KIF4A: variants seen among roughly 807,000 people sequenced by gnomAD.
The protein encoded by KIF4A is kinesin family member 4A.
In KIF4A, 7 loss-of-function variants were observed where a neutral mutation model predicts 105.9. The ratio of observed to expected loss-of-function variants is 0.07; its 90% CI spans 0.04 to 0.12. The LOEUF (loss-of-function observed/expected upper bound fraction) is 0.12, where lower values mean the gene tolerates loss of function less well. Ranked by LOEUF, KIF4A falls within the 10% of genes least tolerant of loss-of-function variation. The probability of loss-of-function intolerance (pLI) is 1.00; values close to 1 mark genes in which losing one functional copy is unlikely to be tolerated. For missense variants in KIF4A, 558 were observed against 929.2 expected, an observed-to-expected ratio of 0.60 and a Z score of 5.19; for synonymous variants, 281 against 331.3, an observed-to-expected ratio of 0.85 and a Z score of 1.65.
Position 70,327,008 on chromosome X carries a change from A to G in KIF4A, c.779-2397A>G, listed in dbSNP as rs757477803. ...GTTTTGCTCCTATATGAAACTATAG[A>G]TGGAAGTTTTGCTCAGCAGCTTTGA... is the stretch of plus-strand genomic sequence containing the variant. On this transcript the variant is annotated intron_variant, in intron 7 of 30. Transcript: ENST00000374403. Among the ~76,000 whole-genome samples the G allele has an allele frequency of 4.5e-5, 5 of 112,160 alleles. No individual in the cohort carries two copies. The South Asian group carries it at 1.9e-3, about 42-fold the overall frequency.
chrX:70,364,678 A>G (rs1210158311), intron 15 of KIF4A, among the ~76,000 whole-genome samples: 1 of 111,509 alleles, frequency 9.0e-6, no homozygotes, highest in African/African-American at 3.3e-5. Context: ...GTAGCATGAT[A>G]CCTCCAACTT....
intron 7 of KIF4A, among the ~76,000 whole-genome samples, chrX:70,319,791 A>G (rs998741018): frequency 8.9e-6 from 1 of 112,370 alleles, no homozygotes; most frequent in Admixed American, 9.4e-5. Flanking sequence ...TTTAAAAATT[A>G]TATTTTCTAA....
intron 3 of KIF4A, 30 bp from the exon 4 acceptor site, chrX:70,296,968 C>G: frequency 8.5e-7 from 1 of 1,182,377 alleles, no homozygotes; most frequent in Non-Finnish European, 1.1e-6. Flanking sequence ...TGTTTAAACA[C>G]CACTATGCAT....
chrX:70,339,858 T>A (rs2085965662), intron 10 of KIF4A, among the ~76,000 whole-genome samples: 2 of 112,455 alleles, frequency 1.8e-5, no homozygotes, highest in Admixed American at 1.9e-4. Context: ...TTATATTTTC[T>A]TTTTCAGTCT....
chrX:70,306,055 G>T (rs2085825505), intron 7 of KIF4A, among the ~76,000 whole-genome samples: 1 of 111,647 alleles, frequency 9.0e-6, no homozygotes, highest in South Asian at 3.7e-4. Flanking sequence ...TTTAGGCTTT[G>T]ACCCATTTTG....
chrX:70,415,493 A>G, intron 28 of KIF4A: 1 of 162,406 alleles, frequency 6.2e-6, no homozygotes, highest in Non-Finnish European at 1.2e-5. Context: ...TTGTGGTCTC[A>G]GATACGCTGG....
chrX:70,359,974 C>T (rs1317988449), intron 15 of KIF4A, among the ~76,000 whole-genome samples: 1 of 111,629 alleles, frequency 9.0e-6, no homozygotes, highest in East Asian at 2.8e-4. Context: ...TGCCTGGCTG[C>T]AGGGGAGAGG....
At chrX:70,402,720 T>G (rs767634903) in intron 23 of KIF4A, 25 bp downstream of exon 23, 39 of 1,199,715 alleles carry the variant, frequency 3.3e-5, no homozygotes, top group Non-Finnish European at 4.1e-5. Flanking sequence ...AACCAGCAGT[T>G]AGGAGGCTGG....
chrX:70,382,607 G>A (rs1272892747), intron 18 of KIF4A, among the ~76,000 whole-genome samples: 1 of 111,592 alleles, frequency 9.0e-6, no homozygotes, highest in Non-Finnish European at 1.9e-5. Flanking sequence ...AACCAAAAAA[G>A]AGTTAAATTA....
intron 7 of KIF4A, among the ~76,000 whole-genome samples, chrX:70,307,594 G>A (rs2147663658): frequency 8.9e-6 from 1 of 112,014 alleles, no homozygotes; most frequent in Non-Finnish European, 1.9e-5. Flanking sequence ...GGTTGAGGAA[G>A]TTCCCTTGTA....
intron 29 of KIF4A, among the ~76,000 whole-genome samples, chrX:70,419,050 A>G (rs1323768339): frequency 9.3e-6 from 1 of 107,025 alleles, no homozygotes; most frequent in Non-Finnish European, 1.9e-5. Flanking sequence ...GTGCCACTGC[A>G]CTCCAGCCTC....
chrX:70,326,915 A>G (rs1358397440), intron 7 of KIF4A, among the ~76,000 whole-genome samples: 1 of 112,138 alleles, frequency 8.9e-6, no homozygotes. Context: ...TGCCCACTTT[A>G]TCCTTAAGTC....
intron 3 of KIF4A, among the ~76,000 whole-genome samples, chrX:70,296,275 G>A (rs1233235651): frequency 9.1e-6 from 1 of 109,487 alleles, no homozygotes; most frequent in Non-Finnish European, 1.9e-5. Context: ...AGTAGAGACA[G>A]GGTTTCACCA....
intron 13 of KIF4A, among the ~76,000 whole-genome samples, chrX:70,350,995 A>G (rs2086028033): frequency 8.9e-6 from 1 of 111,944 alleles, no homozygotes; most frequent in African/African-American, 3.2e-5. Flanking sequence ...GATAGCCTAT[A>G]AACAAATTAG....
intron 4 of KIF4A, among the ~76,000 whole-genome samples, chrX:70,297,791 T>G (rs1160923776): frequency 6.3e-5 from 7 of 111,868 alleles, no homozygotes; most frequent in African/African-American, 2.3e-4. Context: ...AAACACATCT[T>G]TAGGGAACTG....
chrX:70,375,211 G>A lies in KIF4A; in HGVS notation c.1786G>A (p.Glu596Lys). The A allele has an allele frequency of 8.3e-7, 1 of 1,210,318 alleles. No individual in the cohort carries two copies. Among genetic ancestry groups the A allele is most frequent in the Non-Finnish European group, 1.1e-6 (1 of 895,363 alleles). ...KKDANQAKLS[E>K]RRRKRLQELE... Reference sequence around the variant, plus strand: ...TACAGCATCTGTGTTTAGGTTGAGTGAGCGCCGCCGCAAACGTCTCCAGGA... The same window carrying A: ...TACAGCATCTGTGTTTAGGTTGAGTAAGCGCCGCCGCAAACGTCTCCAGGA... The change falls in exon 17 of 31, where the codon GAG (glutamate) becomes AAG (lysine). Residue 596 changes from glutamate to lysine, a missense_variant. Physicochemically the swap from Glu to Lys is moderately conservative, Grantham distance 56 (BLOSUM62 1). Transcript: ENST00000374403.
intron 18 of KIF4A, among the ~76,000 whole-genome samples, chrX:70,378,726 C>CA (rs57961278): frequency 1.5e-4 from 14 of 92,580 alleles, no homozygotes; most frequent in Non-Finnish European, 3.0e-4. Flanking sequence ...GAAACTGTCT[C>CA]AAAAAAAAAA....
intron 28 of KIF4A, among the ~76,000 whole-genome samples, chrX:70,416,940 A>G (rs1282540502): frequency 1.8e-5 from 2 of 112,931 alleles, no homozygotes; most frequent in African/African-American, 3.2e-5. Context: ...TTTATTTCAT[A>G]TCATCAGTGA....
chrX:70,293,680 G>A (rs747870269), intron 3 of KIF4A, among the ~76,000 whole-genome samples: 12 of 112,061 alleles, frequency 1.1e-4, no homozygotes, highest in Non-Finnish European at 2.1e-4. Flanking sequence ...GAATACTGTA[G>A]GCGGTTGTAA....
Sources: gnomAD v4.1 joint callset for allele counts (sites outside exome capture counted in the v4.1 genomes callset) on GRCh38, gnomAD v4.1.1 for gene constraint, MANE v1.5 for transcripts, NCBI Gene and HGNC (gene_info 2026-07-23, HGNC 2026-07-21) for gene names.